Variants in CYP27A1 observed in about 807,000 individuals in gnomAD.
CYP27A1 encodes cytochrome P450 family 27 subfamily A member 1, also known as sterol 26-hydroxylase, mitochondrial.
In CYP27A1, 46 loss-of-function variants were observed where a neutral mutation model predicts 58.2. The ratio of observed to expected loss-of-function variants is 0.79; its 90% CI spans 0.62 to 1.01. The LOEUF is 1.01. CYP27A1 is among the 50% of genes least tolerant of loss of function. CYP27A1 has a pLI of 0.00. For synonymous variants in CYP27A1, 274 were observed against 285.1 expected (o/e 0.96, Z 0.39); for missense variants, 704 against 687.0 (o/e 1.02, Z -0.28).
chr2:218,794,383 C>T (rs77565245), intron 1 of CYP27A1, among the ~76,000 whole-genome samples: 2,343 of 152,288 alleles, frequency 0.015, 64 homozygotes, highest in African/African-American at 0.053. Context: ...GCCTAAGGGT[C>T]CCCGGCAAAA....
intron 1 of CYP27A1, among the ~76,000 whole-genome samples, chr2:218,804,129 G>T (rs914383356): frequency 4.6e-5 from 7 of 152,146 alleles, no homozygotes; most frequent in African/African-American, 1.7e-4. Context: ...CATATCCAGG[G>T]TCATGAAGAC....
chr2:218,784,630 T>C (rs1943425524), intron 1 of CYP27A1, among the ~76,000 whole-genome samples: 1 of 152,274 alleles, frequency 6.6e-6, no homozygotes, highest in South Asian at 2.1e-4. Context: ...TTGTAACTTA[T>C]AAACCAGCCT....
At position 218,814,907 on chromosome 2, in the gene CYP27A1, C is replaced by T. The variant is rs755665162; in HGVS notation, c.1477-4C>T. The T allele has an allele frequency of 6.8e-6, 11 of 1,614,210 alleles. No individual in the cohort carries two copies. Among genetic ancestry groups the T allele is most frequent in the Non-Finnish European group, 9.3e-6 (11 of 1,180,036 alleles). On this transcript the variant is annotated splice_polypyrimidine_tract_variant and splice_region_variant and intron_variant, in intron 8 of 8. Coordinates refer to ENST00000258415, the MANE Select transcript of CYP27A1 (RefSeq NM_000784.4). ...CCCAACCACATGTGCTCTTTACCCCCCAGCTGATCCAGAAGTACAAGGTGG... is the reference window on the plus strand; with the variant it reads ...CCCAACCACATGTGCTCTTTACCCCTCAGCTGATCCAGAAGTACAAGGTGG...
intron 1 of CYP27A1, among the ~76,000 whole-genome samples, chr2:218,783,331 G>C (rs926629867): frequency 6.6e-6 from 1 of 151,974 alleles, no homozygotes; most frequent in Non-Finnish European, 1.5e-5. Context: ...AGTGGTGTTG[G>C]GGGAGAAAAC....
intron 1 of CYP27A1, among the ~76,000 whole-genome samples, chr2:218,794,837 C>G (rs1943531137): frequency 6.6e-6 from 1 of 152,196 alleles, no homozygotes; most frequent in African/African-American, 2.4e-5. Flanking sequence ...AGGGTACAGA[C>G]TGAAGAAGAA....
At chr2:218,812,137 G>A (rs1476242300) in intron 2 of CYP27A1, 85 bp from the exon 3 acceptor site, 4 of 966,738 alleles carry the variant, frequency 4.1e-6, no homozygotes, top group African/African-American at 3.2e-5. Context: ...GATGGAGGGG[G>A]TGGTGGACTT....
intron 1 of CYP27A1, among the ~76,000 whole-genome samples, chr2:218,790,865 AT>A (rs1039785925): frequency 6.0e-5 from 9 of 150,054 alleles, no homozygotes; most frequent in African/African-American, 1.5e-4. Context: ...TCCCGGCTAT[AT>A]TTTTTTTTGT....
At chr2:218,803,207 C>T (rs947298323) in intron 1 of CYP27A1, among the ~76,000 whole-genome samples, 15 of 152,164 alleles carry the variant, frequency 9.9e-5, no homozygotes, top group African/African-American at 2.7e-4. Context: ...GATCTGCCTG[C>T]CTTGGCCTCC....
At chr2:218,784,830 AG>A (rs996595671) in intron 1 of CYP27A1, among the ~76,000 whole-genome samples, 13 of 152,290 alleles carry the variant, frequency 8.5e-5, no homozygotes, top group Non-Finnish European at 5.9e-5. Flanking sequence ...TCAGGTTGAC[AG>A]GGGGCAGGTC....
intron 1 of CYP27A1, among the ~76,000 whole-genome samples, chr2:218,792,064 TACACAC>T (rs61540539): frequency 6.7e-6 from 1 of 150,060 alleles, no homozygotes; most frequent in East Asian, 2.0e-4. Context: ...TAGAAGTCAC[TACACAC>T]ACACACACAC....
chr2:218,809,885 C>T lies in CYP27A1; in HGVS notation c.446+118C>T, dbSNP rs1943694637. The T allele has an allele frequency of 8.0e-5, 74 of 923,628 alleles. No homozygotes were observed. In the South Asian group the frequency reaches 1.2e-3, roughly 15 times the overall value. The allele number at this position is 923,628 out of a possible 1,614,324, so 57.2% of individuals were successfully genotyped here. A position where few individuals can be genotyped will look rare whatever the true frequency, so the allele number is the denominator to read the frequency against. ...ATAGTACCCTCTGCATCCTCTGAGC[C>T]TGATGGTCTAGAGAGCAGTTGTTGG... On this transcript the variant is annotated intron_variant, in intron 2 of 8. Transcript: ENST00000258415.
At chr2:218,799,615 T>C (rs550789607) in intron 1 of CYP27A1, among the ~76,000 whole-genome samples, 1 of 152,316 alleles carries the variant, frequency 6.6e-6, no homozygotes, top group African/African-American at 2.4e-5. Flanking sequence ...CTATTTTTCC[T>C]TTCTCTCGGG....
chr2:218,789,129 C>A (rs1943467130), intron 1 of CYP27A1, among the ~76,000 whole-genome samples: 1 of 152,134 alleles, frequency 6.6e-6, no homozygotes, highest in South Asian at 2.1e-4. Flanking sequence ...AAGAGACATG[C>A]AAGAATATTC....
In CYP27A1 at chr2:218,812,401, TCTA is replaced by T. The variant is rs1943727949; in HGVS notation, c.632_634del (p.Tyr211del). The T allele has an allele frequency of 6.2e-7, 1 of 1,614,192 alleles. No homozygotes were observed. Among genetic ancestry groups the T allele is most frequent in the Non-Finnish European group, 8.5e-7 (1 of 1,180,036 alleles). ...CAGGTGTCGGACATGGCTCAACTCT[TCTA>T]CTACTTTGCCTTGGAAGGTACCCTT... On this transcript the variant is annotated inframe_deletion, in exon 3 of 9. Coordinates refer to ENST00000258415, the MANE Select transcript of CYP27A1 (RefSeq NM_000784.4).
intron 1 of CYP27A1, among the ~76,000 whole-genome samples, chr2:218,786,032 C>A: frequency 6.6e-6 from 1 of 152,108 alleles, no homozygotes; most frequent in East Asian, 1.9e-4. Context: ...AACTTACAGT[C>A]CCCCAGCTAC....
At chr2:218,799,300 G>GAT (rs1943577427) in intron 1 of CYP27A1, among the ~76,000 whole-genome samples, 1 of 152,112 alleles carries the variant, frequency 6.6e-6, no homozygotes, top group Non-Finnish European at 1.5e-5. Flanking sequence ...ACCTTGCTGT[G>GAT]ATAAGGAAAC....
At chr2:218,792,212 C>T (rs1013393771) in intron 1 of CYP27A1, among the ~76,000 whole-genome samples, 23 of 152,188 alleles carry the variant, frequency 1.5e-4, no homozygotes, top group Non-Finnish European at 2.5e-4. Flanking sequence ...CCATGCTTAA[C>T]ATTGGACTTA....
chr2:218,812,690 G>T lies in CYP27A1; in HGVS notation c.785G>T (p.Arg262Leu), dbSNP rs757682669. The T allele has an allele frequency of 2.1e-5, 34 of 1,614,040 alleles. No individual in the cohort carries two copies. Among genetic ancestry groups the T allele is most frequent in the African/African-American group, 2.7e-5 (2 of 74,906 alleles). The change falls in exon 4 of 9, where the codon CGC becomes CTC. Residue 262 changes from arginine (R) to leucine (L), a missense_variant. Physicochemically the swap from Arg to Leu is moderately radical, Grantham distance 102 (BLOSUM62 -2). Transcript: ENST00000258415. ...GCCACCTTCCTCCCCAAGTGGACTC[G>T]CCCCGTGCTGCCTTTCTGGAAGCGA... ...LYATFLPKWT[R>L]PVLPFWKRYL... is the part of the protein sequence containing the mutation.
At chr2:218,805,265 C>T (rs1013256113) in intron 1 of CYP27A1, among the ~76,000 whole-genome samples, 1 of 152,188 alleles carries the variant, frequency 6.6e-6, no homozygotes, top group African/African-American at 2.4e-5. Context: ...GTATCCTCTT[C>T]CCCACCCCCT....
Sources: gnomAD v4.1 joint callset for allele counts (sites outside exome capture counted in the v4.1 genomes callset) on GRCh38, gnomAD v4.1.1 for gene constraint, MANE v1.5 for transcripts, NCBI Gene and HGNC (gene_info 2026-07-23, HGNC 2026-07-21) for gene names.